FBXO42: variants seen among roughly 807,000 people sequenced by gnomAD.
FBXO42 encodes the protein F-box only protein 42.
FBXO42 carries 12 observed loss-of-function variants against 71.7 expected under a neutral mutation model. That is an observed-to-expected ratio of 0.17 (90% CI 0.11 to 0.27). FBXO42 has a LOEUF of 0.27. Ranked by LOEUF, FBXO42 falls within the 10% of genes least tolerant of loss-of-function variation. The pLI, the probability that FBXO42 is intolerant of heterozygous loss-of-function variation, is 1.00. For synonymous variants in FBXO42, 325 were observed against 327.5 expected (o/e 0.99, Z 0.08); for missense variants, 707 against 911.9 (o/e 0.78, Z 2.89).
In FBXO42 at chr1:16,251,088, G is replaced by A. The variant is rs763020046; in HGVS notation, c.1736C>T (p.Pro579Leu). ...KGPSASAALS[P>L]PLGSSPGSPG... ...AGAGCCTGGAGAAGACCCAAGAGGAGGACTTAGTGCTGCAGAGGCCGAGGG... is the reference window on the plus strand; with the variant it reads ...AGAGCCTGGAGAAGACCCAAGAGGAAGACTTAGTGCTGCAGAGGCCGAGGG... The change falls in exon 10 of 10, where the codon CCT (proline) becomes CTT (leucine). Residue 579 changes from proline to leucine, a missense_variant. Around this residue, in one of 5 missense-constraint regions of FBXO42, gnomAD observed 482 missense variants for 587.1 expected, o/e 0.82. Transcript: ENST00000375592. This position sits in a 1 kb window ranked among gnomAD's most constrained non-coding sequence, Gnocchi z 4.5. The A allele has an allele frequency of 1.9e-6, 3 of 1,614,192 alleles. No individual in the cohort carries two copies. Among genetic ancestry groups the A allele is most frequent in the Admixed American group, 3.3e-5 (2 of 60,026 alleles).
rs1279496331 is a variant in FBXO42, at chr1:16,255,747, AT to A, written c.730del (p.Met244Ter). On this transcript the variant is annotated frameshift_variant, in exon 6 of 10. Transcript: ENST00000375592. LOFTEE classifies it high-confidence loss of function. ...TCCTAAAGAGCCACCAAAGACAATC[AT>A]TTTATCATCTATCACACAGGAGGAG... ...GHSSCVIDDK[M>X]IVFGGSLGSR... The A allele has an allele frequency of 1.9e-6, 3 of 1,614,096 alleles. No homozygotes were observed. The highest frequency in any genetic ancestry group is 2.5e-6 in the Non-Finnish European group (3 of 1,179,994).
intron 1 of FBXO42, among the ~76,000 whole-genome samples, chr1:16,344,688 T>C (rs2082639971): frequency 6.6e-6 from 1 of 152,126 alleles, no homozygotes; most frequent in African/African-American, 2.4e-5. Context: ...AGCAAATAAA[T>C]GTTAATATTA....
chr1:16,303,883 C>T (rs2082222760), intron 3 of FBXO42, among the ~76,000 whole-genome samples: 1 of 152,008 alleles, frequency 6.6e-6, no homozygotes, highest in Non-Finnish European at 1.5e-5. Context: ...GTAGCTGCGA[C>T]TACAGGCGCC....
At chr1:16,302,152 A>G (rs1456512175) in intron 3 of FBXO42, among the ~76,000 whole-genome samples, 1 of 152,196 alleles carries the variant, frequency 6.6e-6, no homozygotes, top group East Asian at 1.9e-4. Flanking sequence ...AAAGAGCTTA[A>G]TATCTACGGC....
chr1:16,256,053 G>A (rs1036663448), intron 5 of FBXO42, among the ~76,000 whole-genome samples: 9 of 152,170 alleles, frequency 5.9e-5, no homozygotes, highest in Non-Finnish European at 1.3e-4. Flanking sequence ...ATGAGAAAAC[G>A]ATGACAAGAG....
intron 4 of FBXO42, among the ~76,000 whole-genome samples, chr1:16,291,033 C>G (rs1290957273): frequency 1.3e-5 from 2 of 152,148 alleles, no homozygotes; most frequent in African/African-American, 4.8e-5. Context: ...CAAAAGTGTT[C>G]CACTCCTTGC....
At chr1:16,330,770 G>A (rs943904808) in intron 1 of FBXO42, among the ~76,000 whole-genome samples, 1 of 151,816 alleles carries the variant, frequency 6.6e-6, no homozygotes, top group Non-Finnish European at 1.5e-5. Context: ...GTGAAACCCC[G>A]TCTCTATTAA....
At chr1:16,306,299 G>A (rs544275671) in intron 2 of FBXO42, among the ~76,000 whole-genome samples, 5 of 152,282 alleles carry the variant, frequency 3.3e-5, no homozygotes, top group African/African-American at 1.2e-4. Flanking sequence ...TTACAGGCAT[G>A]AGCCACCGCG....
chr1:16,289,362 T>C (rs561430594), intron 4 of FBXO42, among the ~76,000 whole-genome samples: 13 of 151,764 alleles, frequency 8.6e-5, no homozygotes, highest in Admixed American at 7.2e-4. Context: ...TAATTATGAT[T>C]GTGCCACTGC....
rs533494243 is a variant in FBXO42, at chr1:16,276,629, A to G, written c.502+18154T>C. Among the ~76,000 whole-genome samples, 8 of 152,372 alleles carry G rather than the reference A, an allele frequency of 5.3e-5. No homozygotes were observed. The East Asian group carries it at 1.5e-3, about 29-fold the overall frequency. On this transcript the variant is annotated intron_variant, in intron 4 of 9. Coordinates refer to ENST00000375592, the MANE Select transcript of FBXO42 (RefSeq NM_018994.3). Reference sequence around the variant, plus strand: ...AGCCTCTTATAACTACATTTAGGACATAAAGTTAATCTATATAGCATTGGA... The same window carrying G: ...AGCCTCTTATAACTACATTTAGGACGTAAAGTTAATCTATATAGCATTGGA...
intron 2 of FBXO42, among the ~76,000 whole-genome samples, chr1:16,308,846 T>C (rs2082283078): frequency 7.0e-6 from 1 of 142,222 alleles, no homozygotes; most frequent in Admixed American, 7.8e-5. Flanking sequence ...CAGGTTCAAA[T>C]GATTTCCCTG....
At chr1:16,307,418 C>T (rs2100559711) in intron 2 of FBXO42, among the ~76,000 whole-genome samples, 1 of 152,096 alleles carries the variant, frequency 6.6e-6, no homozygotes. Flanking sequence ...GGAGGATCAC[C>T]TGTGCCCAGG....
At chr1:16,262,963 G>C (rs1232862564) in intron 4 of FBXO42, among the ~76,000 whole-genome samples, 1 of 151,584 alleles carries the variant, frequency 6.6e-6, no homozygotes, top group South Asian at 2.1e-4. Flanking sequence ...TGCCCGCCTC[G>C]GCCTCCCAAA....
intron 4 of FBXO42, among the ~76,000 whole-genome samples, chr1:16,283,452 A>C (rs1433997283): frequency 1.3e-5 from 2 of 149,626 alleles, no homozygotes; most frequent in Non-Finnish European, 3.0e-5. Flanking sequence ...ACTGAGCTTT[A>C]AATCTTTACC....
At chr1:16,331,696 G>A (rs145772297) in intron 1 of FBXO42, among the ~76,000 whole-genome samples, 2,594 of 151,594 alleles carry the variant, frequency 0.017, 72 homozygotes, top group African/African-American at 0.059. Flanking sequence ...GGAGGTTTCA[G>A]TGAGCCGAGA....
intron 1 of FBXO42, among the ~76,000 whole-genome samples, chr1:16,332,495 T>G (rs1246197197): frequency 6.6e-6 from 1 of 152,136 alleles, no homozygotes; most frequent in African/African-American, 2.4e-5. Flanking sequence ...TAAATCTTAC[T>G]TGGTTTAACT....
intron 4 of FBXO42, among the ~76,000 whole-genome samples, chr1:16,287,921 G>A (rs140150490): frequency 2.4e-3 from 368 of 151,912 alleles, no homozygotes; most frequent in Non-Finnish European, 4.7e-3. Flanking sequence ...AAAATACAAC[G>A]TGATGAAACC....
intron 1 of FBXO42, among the ~76,000 whole-genome samples, chr1:16,321,519 T>C (rs2082409005): frequency 6.6e-6 from 1 of 152,206 alleles, no homozygotes; most frequent in Admixed American, 6.6e-5. Context: ...TTCACATTTG[T>C]GTTACACCTT....
At chr1:16,297,190 C>T (rs1390991696) in intron 3 of FBXO42, among the ~76,000 whole-genome samples, 2 of 151,996 alleles carry the variant, frequency 1.3e-5, no homozygotes, top group South Asian at 2.1e-4. Context: ...GTGATCCACC[C>T]GCCTCAGCCT....
Sources: gnomAD v4.1 joint callset for allele counts (sites outside exome capture counted in the v4.1 genomes callset) on GRCh38, gnomAD v4.1.1 for gene constraint, gnomAD v4.1.1 regional missense constraint, Gnocchi (gnomAD v3.1) non-coding constraint, MANE v1.5 for transcripts, NCBI Gene and HGNC (gene_info 2026-07-23, HGNC 2026-07-21) for gene names.